ULK4: variants seen among roughly 807,000 people sequenced by gnomAD.
ULK4 encodes inactive serine/threonine-protein kinase ULK4.
Under a neutral mutation model 160.6 loss-of-function variants are expected in ULK4, and 133 were observed. That is an observed-to-expected ratio of 0.83 (90% CI 0.72 to 0.96). ULK4 has a LOEUF of 0.96. Ranked by LOEUF, ULK4 falls within the 40% of genes least tolerant of loss-of-function variation. The pLI is 0.00. For synonymous variants in ULK4, 534 were observed against 539.8 expected (o/e 0.99, Z 0.15); for missense variants, 1,580 against 1,499.5 (o/e 1.05, Z -0.89).
chr3:41,859,614 A>G (rs950398997), intron 17 of ULK4: 3 of 500,232 alleles, frequency 6.0e-6, no homozygotes, highest in Non-Finnish European at 1.2e-5. Context: ...CTGAGCTGCC[A>G]GCCTCTGCCC....
intron 35 of ULK4, among the ~76,000 whole-genome samples, chr3:41,366,550 C>T (rs7620344): frequency 3.6e-5 from 5 of 140,362 alleles, no homozygotes; most frequent in East Asian, 2.7e-4. Flanking sequence ...AATATGGCTA[C>T]ACACACACAC....
intron 27 of ULK4, among the ~76,000 whole-genome samples, chr3:41,684,077 T>C (rs1219003564): frequency 1.3e-5 from 2 of 152,218 alleles, no homozygotes; most frequent in Non-Finnish European, 2.9e-5. Flanking sequence ...GAAGAGGATT[T>C]ACCTACGCTT....
chr3:41,423,608 A>G (rs1272018649), intron 34 of ULK4, among the ~76,000 whole-genome samples: 1 of 147,748 alleles, frequency 6.8e-6, no homozygotes, highest in Non-Finnish European at 1.5e-5. Context: ...GAATAGAAAC[A>G]GTTGCAGTTG....
At chr3:41,677,871 C>T (rs547930155) in intron 29 of ULK4, among the ~76,000 whole-genome samples, 5 of 152,228 alleles carry the variant, frequency 3.3e-5, no homozygotes, top group Admixed American at 1.3e-4. Context: ...AATCGGTACA[C>T]TGAGGGAAGC....
intron 31 of ULK4, among the ~76,000 whole-genome samples, chr3:41,577,012 C>T (rs1018989493): frequency 2.6e-5 from 4 of 152,206 alleles, no homozygotes; most frequent in Admixed American, 2.0e-4. Flanking sequence ...CAATTAGAGT[C>T]GTCTTTTACT....
chr3:41,563,001 G>A (rs1300841545), intron 32 of ULK4, among the ~76,000 whole-genome samples: 1 of 152,180 alleles, frequency 6.6e-6, no homozygotes, highest in Non-Finnish European at 1.5e-5. Flanking sequence ...GCTGCTACAG[G>A]TTGTTCCTTT....
chr3:41,885,650 T>C lies in ULK4; in HGVS notation c.1578-1698A>G, dbSNP rs1697694207. Among the ~76,000 whole-genome samples the C allele has an allele frequency of 2.0e-5, 3 of 152,140 alleles. No homozygotes were observed. In the South Asian group the frequency reaches 6.2e-4, roughly 32 times the overall value. Reference sequence around the variant, plus strand: ...ATGTGACTATCAAGCACATAAAATATGACAGATGCAAGTAAGGAACAAAAT... The same window carrying C: ...ATGTGACTATCAAGCACATAAAATACGACAGATGCAAGTAAGGAACAAAAT... On this transcript the variant is annotated intron_variant, in intron 16 of 36. Coordinates refer to ENST00000301831, the MANE Select transcript of ULK4 (RefSeq NM_017886.4).
chr3:41,537,546 TG>T (rs2086545355), intron 32 of ULK4, among the ~76,000 whole-genome samples: 1 of 152,318 alleles, frequency 6.6e-6, no homozygotes, highest in South Asian at 2.1e-4. Flanking sequence ...CTGTGTTTGG[TG>T]GCAAGTAGAC....
intron 29 of ULK4, among the ~76,000 whole-genome samples, chr3:41,673,946 G>A (rs1032657172): frequency 1.3e-5 from 2 of 152,060 alleles, no homozygotes; most frequent in African/African-American, 2.4e-5. Flanking sequence ...ACTGAGGGGC[G>A]GGAATTTAAT....
chr3:41,467,268 C>A (rs1384383946), intron 32 of ULK4, among the ~76,000 whole-genome samples: 1 of 152,202 alleles, frequency 6.6e-6, no homozygotes, highest in Non-Finnish European at 1.5e-5. Flanking sequence ...TGGCTCACAC[C>A]TGTAATTCCA....
intron 21 of ULK4, among the ~76,000 whole-genome samples, chr3:41,780,139 C>G (rs999728958): frequency 6.6e-6 from 1 of 151,652 alleles, no homozygotes; most frequent in Non-Finnish European, 1.5e-5. Context: ...TGGCGAAACC[C>G]AGTCTCTACC....
At chr3:41,595,087 C>G (rs947360472) in intron 31 of ULK4, among the ~76,000 whole-genome samples, 9 of 152,152 alleles carry the variant, frequency 5.9e-5, no homozygotes, top group East Asian at 1.9e-4. Flanking sequence ...TTTTAAAATA[C>G]TTAGGATAGT....
chr3:41,590,897 A>G (rs577482919), intron 31 of ULK4, among the ~76,000 whole-genome samples: 1 of 152,158 alleles, frequency 6.6e-6, no homozygotes, highest in Admixed American at 6.5e-5. Context: ...AGGAAAGGGG[A>G]AAAAAAGCTT....
intron 19 of ULK4, among the ~76,000 whole-genome samples, chr3:41,808,190 C>G (rs937850148): frequency 2.0e-5 from 3 of 152,092 alleles, no homozygotes; most frequent in Admixed American, 2.0e-4. Flanking sequence ...TATTTTGCCC[C>G]ATATGCCTTG....
chr3:41,261,072 G>A (rs372864650), intron 35 of ULK4, among the ~76,000 whole-genome samples: 55 of 152,260 alleles, frequency 3.6e-4, no homozygotes, highest in Middle Eastern at 3.4e-3. Context: ...CAGACAAACC[G>A]GGTAGGAGAG....
intron 34 of ULK4, among the ~76,000 whole-genome samples, chr3:41,423,252 TC>T (rs879910335): frequency 1.6e-4 from 24 of 152,130 alleles, no homozygotes; most frequent in Admixed American, 9.8e-4. Context: ...GAGGAAGACT[TC>T]CGTTTTACTT....
chr3:41,819,152 A>G (rs2041060954), intron 19 of ULK4, among the ~76,000 whole-genome samples: 1 of 152,204 alleles, frequency 6.6e-6, no homozygotes, highest in Non-Finnish European at 1.5e-5. Context: ...GTAATTAAGA[A>G]TATGCTATTG....
chr3:41,804,249 T>A (rs1285654680), intron 19 of ULK4, among the ~76,000 whole-genome samples: 4 of 152,144 alleles, frequency 2.6e-5, no homozygotes, highest in Admixed American at 6.5e-5. Flanking sequence ...ATGGTGAGCA[T>A]TTTTTCATGT....
intron 31 of ULK4, among the ~76,000 whole-genome samples, chr3:41,585,791 C>T (rs769494796): frequency 6.6e-6 from 1 of 152,038 alleles, no homozygotes. Context: ...TTACTATCTA[C>T]ATTGTATAAA....
Sources: gnomAD v4.1 joint callset for allele counts (sites outside exome capture counted in the v4.1 genomes callset) on GRCh38, gnomAD v4.1.1 for gene constraint, MANE v1.5 for transcripts, NCBI Gene and HGNC (gene_info 2026-07-23, HGNC 2026-07-21) for gene names.